ANKRD44: variants seen among roughly 807,000 people sequenced by gnomAD.
The protein encoded by ANKRD44 is ankyrin repeat domain 44.
A neutral mutation model predicts 116.0 loss-of-function variants in ANKRD44; 35 were observed. That is an observed-to-expected ratio of 0.30 (90% CI 0.23 to 0.40). ANKRD44 has a LOEUF of 0.40. Ranked by LOEUF, ANKRD44 falls within the 10% of genes least tolerant of loss-of-function variation. ANKRD44 has a pLI of 1.00. For synonymous variants in ANKRD44, 435 were observed against 461.8 expected (o/e 0.94, Z 0.74); for missense variants, 1,014 against 1,242.6 (o/e 0.82, Z 2.77).
intron 16 of ANKRD44, among the ~76,000 whole-genome samples, chr2:197,044,389 T>C (rs771533987): frequency 6.6e-6 from 1 of 152,150 alleles, no homozygotes; most frequent in Non-Finnish European, 1.5e-5. Flanking sequence ...GTTGTTGAGA[T>C]GGAGTCTCAT....
intron 8 of ANKRD44, among the ~76,000 whole-genome samples, chr2:197,119,631 A>G (rs1055164355): frequency 6.6e-6 from 1 of 152,208 alleles, no homozygotes; most frequent in Non-Finnish European, 1.5e-5. Context: ...AGAAATTGTG[A>G]AAAAATATAA....
At chr2:197,085,845 T>C (rs1435475442) in intron 13 of ANKRD44, among the ~76,000 whole-genome samples, 2 of 152,132 alleles carry the variant, frequency 1.3e-5, no homozygotes, top group Non-Finnish European at 2.9e-5. Context: ...CCCTGAATTG[T>C]TTCTTGCGCA....
chr2:197,108,861 AC>A (rs1321240960), intron 9 of ANKRD44, among the ~76,000 whole-genome samples: 5 of 149,238 alleles, frequency 3.4e-5, no homozygotes, highest in African/African-American at 7.7e-5. Flanking sequence ...AACAACAACA[AC>A]AACAACAACA....
intron 2 of ANKRD44, among the ~76,000 whole-genome samples, chr2:197,182,627 T>G (rs527745679): frequency 1.3e-5 from 2 of 152,328 alleles, no homozygotes; most frequent in East Asian, 3.9e-4. Context: ...CCTCAGTATA[T>G]GTGGGACATT....
chr2:197,204,284 A>C (rs1200625528), intron 1 of ANKRD44, among the ~76,000 whole-genome samples: 6 of 152,208 alleles, frequency 3.9e-5, no homozygotes, highest in African/African-American at 7.2e-5. Context: ...AAGAAAATTT[A>C]TAAAAATGCT....
intron 1 of ANKRD44, among the ~76,000 whole-genome samples, chr2:197,262,504 A>G (rs369651760): frequency 6.6e-6 from 1 of 152,230 alleles, no homozygotes; most frequent in Admixed American, 6.5e-5. Context: ...ATTTTAAGGC[A>G]TATGGATTTG....
chr2:197,045,166 C>G (rs2076980004), intron 16 of ANKRD44, among the ~76,000 whole-genome samples: 1 of 151,562 alleles, frequency 6.6e-6, no homozygotes, highest in Non-Finnish European at 1.5e-5. Flanking sequence ...ATGATACTTT[C>G]ATGGCTGTCT....
intron 1 of ANKRD44, among the ~76,000 whole-genome samples, chr2:197,234,706 A>G (rs1350453676): frequency 6.6e-6 from 1 of 152,166 alleles, no homozygotes; most frequent in East Asian, 1.9e-4. Flanking sequence ...AATTTCCACG[A>G]TCACAGAGCT....
chr2:197,186,628 T>TTTTTTTTC (rs2080675938), intron 2 of ANKRD44, among the ~76,000 whole-genome samples: 1 of 93,312 alleles, frequency 1.1e-5, no homozygotes, highest in African/African-American at 9.9e-5. Context: ...TTTTTTTTTT[T>TTTTTTTTC]TTTTTTTTTT....
rs557336472 is a variant in ANKRD44 at position 197,116,133 on chromosome 2, T to G, written c.906+5199A>C. ...AACCAATGTATCACAGAAGCTGAAG[T>G]CCCTTATCCAATCTGAACTGACCAC... is the stretch of plus-strand genomic sequence containing the variant. On this transcript the variant is annotated intron_variant, in intron 8 of 27. Coordinates refer to ENST00000282272, the MANE Select transcript of ANKRD44 (RefSeq NM_001195144.2). Among the ~76,000 whole-genome samples, 101 of 152,210 alleles carry G rather than the reference T, an allele frequency of 6.6e-4. 5 individuals carry two copies. The South Asian group carries it at 0.02, about 31-fold the overall frequency.
chr2:196,989,441 GA>G lies in ANKRD44; in HGVS notation c.*149del. Reference sequence around the variant, plus strand: ...TTCAGTTCTCACTTGCATTTTGAAGGAAAAAAATGTGTATCTTCCATTTTAG... The same window carrying G: ...TTCAGTTCTCACTTGCATTTTGAAGGAAAAAATGTGTATCTTCCATTTTAG... On this transcript the variant is annotated 3_prime_UTR_variant, in exon 28 of 28. Coordinates refer to ENST00000282272, the MANE Select transcript of ANKRD44 (RefSeq NM_001195144.2). 2 of 1,261,730 alleles carry G rather than the reference GA, an allele frequency of 1.6e-6. No individual in the cohort carries two copies. Among genetic ancestry groups the G allele is most frequent in the Non-Finnish European group, 2.0e-6 (2 of 1,001,016 alleles). 78.2% of individuals were successfully genotyped at this position (1,261,730 alleles called of 1,614,324 possible).
chr2:197,064,977 C>T (rs932091411), intron 16 of ANKRD44, among the ~76,000 whole-genome samples: 2 of 152,200 alleles, frequency 1.3e-5, no homozygotes, highest in African/African-American at 4.8e-5. Flanking sequence ...CAGAACTCTC[C>T]ACCCCAAATC....
At chr2:197,043,145 C>T (rs924259062) in intron 16 of ANKRD44, among the ~76,000 whole-genome samples, 3 of 152,170 alleles carry the variant, frequency 2.0e-5, no homozygotes, top group East Asian at 1.9e-4. Flanking sequence ...CTTCAATAAA[C>T]GGGTTTAAGA....
intron 2 of ANKRD44, among the ~76,000 whole-genome samples, chr2:197,154,548 G>T (rs1248671405): frequency 6.6e-6 from 1 of 151,914 alleles, no homozygotes; most frequent in East Asian, 1.9e-4. Context: ...TTTCAACTGC[G>T]AACTGCCTAT....
rs113423172 is a variant in ANKRD44 at position 197,293,950 on chromosome 2, C to T, written c.27+16628G>A. On this transcript the variant is annotated intron_variant, in intron 1 of 27. Transcript: ENST00000282272. ...CCTAAATATAACTGCAGAAATGACA[C>T]GTGATTTTATAAGTGCTGTTTAAGA... Among the ~76,000 whole-genome samples the T allele has an allele frequency of 2.2e-4, 34 of 152,290 alleles. 1 individual carries two copies. Among genetic ancestry groups the T allele is most frequent in the African/African-American group, 6.5e-4 (27 of 41,562 alleles).
intron 16 of ANKRD44, among the ~76,000 whole-genome samples, chr2:197,026,256 C>T (rs2076593029): frequency 6.6e-6 from 1 of 152,130 alleles, no homozygotes; most frequent in Admixed American, 6.6e-5. Flanking sequence ...AATCTGTTTT[C>T]CTATTGCAGA....
intron 1 of ANKRD44, among the ~76,000 whole-genome samples, chr2:197,310,133 G>C (rs1472984898): frequency 1.3e-5 from 2 of 152,160 alleles, no homozygotes; most frequent in Non-Finnish European, 2.9e-5. Flanking sequence ...CCGCATTCTG[G>C]GCAGGACTCC....
In ANKRD44 at chr2:197,310,570, C is replaced by T; in HGVS notation, c.27+8G>A. On this transcript the variant is annotated splice_region_variant and intron_variant, in intron 1 of 27. Transcript: ENST00000282272. ...CGCGTCCCGCCCGCCGGCGCCGCCG[C>T]CCGCTACCTGGTCGGTGAGTTTGAG... 2.5e-6 allele frequency: 3 copies of T among 1,219,108 alleles called. No homozygotes were observed. The highest frequency in any genetic ancestry group is 3.1e-6 in the Non-Finnish European group (3 of 954,058). The allele number at this position is 1,219,108 out of a possible 1,614,324, so 75.5% of individuals were successfully genotyped here. A position where few individuals can be genotyped will look rare whatever the true frequency, so the allele number is the denominator to read the frequency against.
intron 1 of ANKRD44, among the ~76,000 whole-genome samples, chr2:197,269,828 T>C (rs193263464): frequency 2.0e-5 from 3 of 152,238 alleles, no homozygotes; most frequent in Non-Finnish European, 1.5e-5. Context: ...CAGTGGCATT[T>C]TTAAGCTGGA....
Sources: gnomAD v4.1 joint callset for allele counts (sites outside exome capture counted in the v4.1 genomes callset) on GRCh38, gnomAD v4.1.1 for gene constraint, MANE v1.5 for transcripts, NCBI Gene and HGNC (gene_info 2026-07-23, HGNC 2026-07-21) for gene names.